The following DMD variants were observed in gnomAD, a reference collection of about 807,000 sequenced individuals.
DMD encodes mutant dystrophin.
DMD carries 63 observed loss-of-function variants against 330.1 expected under a neutral mutation model. That is an observed-to-expected ratio of 0.19 (90% CI 0.16 to 0.24). DMD has a LOEUF of 0.24. Among genes scored for constraint, DMD ranks in the 10% least tolerant of loss-of-function variants. The pLI is 1.00. For missense variants in DMD, 3,344 were observed against 2,684.1 expected, an observed-to-expected ratio of 1.25 and a Z score of -5.43; for synonymous variants, 1,223 against 959.8, an observed-to-expected ratio of 1.27 and a Z score of -5.07.
At chrX:31,430,326 A>G in intron 60 of DMD, among the ~76,000 whole-genome samples, 1 of 111,479 alleles carries the variant, frequency 9.0e-6, no homozygotes, top group South Asian at 3.8e-4. Context: ...TGGGGATTAA[A>G]CAATACTCCT....
chrX:32,966,164 T>G (rs185663931), intron 2 of DMD, among the ~76,000 whole-genome samples: 1 of 111,911 alleles, frequency 8.9e-6, no homozygotes, highest in East Asian at 2.8e-4. Flanking sequence ...CTAATTTGTA[T>G]AGGGGGTTAA....
chrX:31,214,972 T>G (rs2045240248), intron 64 of DMD, among the ~76,000 whole-genome samples: 1 of 83,008 alleles, frequency 1.2e-5, no homozygotes, highest in Non-Finnish European at 2.3e-5. Context: ...GACCGAGTCT[T>G]GCTCTGTCAC....
rs1250061032 is a variant in DMD at position 31,467,128 on chromosome X, CCT to C, written c.8937+10976_8937+10977del. Among the ~76,000 whole-genome samples, 10 of 111,717 alleles carry C rather than the reference CCT, an allele frequency of 9.0e-5. No individual in the cohort carries two copies. The East Asian group carries it at 2.8e-3, about 31-fold the overall frequency. Reference sequence around the variant, plus strand: ...GCTGCAAACAGAGACAATCTGACTTCCTCTCTTCCTATTTGAATACCCTTTAT... The same window carrying C: ...GCTGCAAACAGAGACAATCTGACTTCCTCTTCCTATTTGAATACCCTTTAT... On this transcript the variant is annotated intron_variant, in intron 59 of 78. Transcript: ENST00000357033.
chrX:33,084,439 C>T (rs778627739), intron 1 of DMD, among the ~76,000 whole-genome samples: 2 of 112,033 alleles, frequency 1.8e-5, no homozygotes, highest in South Asian at 3.8e-4. Flanking sequence ...CCCAGGCATT[C>T]GGGGAACAGA....
intron 60 of DMD, among the ~76,000 whole-genome samples, chrX:31,438,939 T>C (rs899603839): frequency 9.0e-6 from 1 of 111,372 alleles, no homozygotes; most frequent in East Asian, 2.8e-4. Flanking sequence ...GGTTCTGATA[T>C]AAGAATTGCT....
At chrX:33,139,321 C>A (rs1259677772) in intron 1 of DMD, among the ~76,000 whole-genome samples, 1 of 111,091 alleles carries the variant, frequency 9.0e-6, no homozygotes, top group African/African-American at 3.3e-5. Context: ...CTGCCATAAT[C>A]TCATATTGAA....
chrX:31,451,960 T>C (rs1603024483), intron 59 of DMD, among the ~76,000 whole-genome samples: 1 of 111,097 alleles, frequency 9.0e-6, no homozygotes, highest in Non-Finnish European at 1.9e-5. Context: ...AGGGCAATTC[T>C]TGTAAACTTT....
chrX:33,076,696 T>C (rs2148203955), intron 1 of DMD, among the ~76,000 whole-genome samples: 1 of 112,180 alleles, frequency 8.9e-6, no homozygotes, highest in Admixed American at 9.5e-5. Flanking sequence ...ATATTATAAA[T>C]TAGGCCATAG....
At chrX:33,095,386 C>T (rs914845741) in intron 1 of DMD, among the ~76,000 whole-genome samples, 1 of 112,097 alleles carries the variant, frequency 8.9e-6, no homozygotes, top group Non-Finnish European at 1.9e-5. Flanking sequence ...TTTTCATGTA[C>T]AATTCACTCA....
At position 31,381,635 on chromosome X, in the gene DMD, C is replaced by T. The variant is rs1165909087; in HGVS notation, c.9085-33001G>A. Reference sequence around the variant, plus strand: ...TATCTCTGATCCACCAGACATTCAACCCCATTTCCCCATATTTCCTTCTTT... The same window carrying T: ...TATCTCTGATCCACCAGACATTCAATCCCATTTCCCCATATTTCCTTCTTT... On this transcript the variant is annotated intron_variant, in intron 60 of 78. Transcript: ENST00000357033. 9.0e-5 allele frequency among the ~76,000 whole-genome samples: 10 copies of T among 110,871 alleles called. No homozygotes were observed. The Admixed American group carries it at 9.7e-4, about 11-fold the overall frequency.
chrX:31,861,407 G>C (rs748052841), intron 48 of DMD, among the ~76,000 whole-genome samples: 1 of 110,109 alleles, frequency 9.1e-6, no homozygotes, highest in South Asian at 3.9e-4. Flanking sequence ...GTTTGACGCA[G>C]CCATTCGACG....
intron 51 of DMD, among the ~76,000 whole-genome samples, chrX:31,744,287 T>G (rs1389777627): frequency 9.0e-6 from 1 of 111,650 alleles, no homozygotes; most frequent in Non-Finnish European, 1.9e-5. Flanking sequence ...GTTTGAAATA[T>G]TGAGCAAATT....
intron 43 of DMD, among the ~76,000 whole-genome samples, chrX:32,241,973 C>T (rs1482926517): frequency 9.0e-6 from 1 of 111,253 alleles, no homozygotes; most frequent in African/African-American, 3.3e-5. Flanking sequence ...CTCAACCCAG[C>T]CGGTTCTATA....
intron 33 of DMD, 78 bp from the exon 34 acceptor site, chrX:32,380,758 T>C: frequency 2.5e-6 from 2 of 809,597 alleles, no homozygotes; most frequent in Middle Eastern, 2.9e-4. Flanking sequence ...TTTGGAACTT[T>C]TATATTTCTG....
intron 59 of DMD, among the ~76,000 whole-genome samples, chrX:31,474,722 TA>T (rs2067617398): frequency 2.4e-5 from 2 of 84,807 alleles, no homozygotes; most frequent in African/African-American, 9.8e-5. Context: ...AAAAATAAAA[TA>T]AAATAAAATA....
chrX:32,694,160 G>T (rs1389528935), intron 9 of DMD, among the ~76,000 whole-genome samples: 1 of 110,955 alleles, frequency 9.0e-6, no homozygotes, highest in Admixed American at 9.6e-5. Flanking sequence ...CCCCTTTCTA[G>T]CCACCTTTTT....
At chrX:32,663,948 A>G (rs977415006) in intron 9 of DMD, among the ~76,000 whole-genome samples, 1 of 111,225 alleles carries the variant, frequency 9.0e-6, no homozygotes, top group African/African-American at 3.3e-5. Flanking sequence ...AACATAGAGA[A>G]AGGAGGAGGT....
At chrX:31,507,914 A>G (rs921343474) in intron 55 of DMD, among the ~76,000 whole-genome samples, 3 of 111,743 alleles carry the variant, frequency 2.7e-5, no homozygotes, top group African/African-American at 9.8e-5. Flanking sequence ...GCGTGGAGAG[A>G]CTAATAAACA....
At chrX:32,813,637 C>A (rs777745068) in intron 6 of DMD, among the ~76,000 whole-genome samples, 50 of 111,481 alleles carry the variant, frequency 4.5e-4, no homozygotes, top group Non-Finnish European at 8.5e-4. Flanking sequence ...GATGTATTTT[C>A]AATTTACAGA....
Sources: gnomAD v4.1 joint callset for allele counts (sites outside exome capture counted in the v4.1 genomes callset) on GRCh38, gnomAD v4.1.1 for gene constraint, MANE v1.5 for transcripts, NCBI Gene and HGNC (gene_info 2026-07-23, HGNC 2026-07-21) for gene names.